AKAP6: variants seen among roughly 807,000 people sequenced by gnomAD.
AKAP6 encodes A-kinase anchor protein 6.
A neutral mutation model predicts 188.5 loss-of-function variants in AKAP6; 58 were observed. The observed-to-expected ratio is 0.31, with a 90% CI of 0.25 to 0.38. AKAP6 has a LOEUF of 0.38. Among genes scored for constraint, AKAP6 ranks in the 10% least tolerant of loss-of-function variants. The pLI, the probability that AKAP6 is intolerant of heterozygous loss-of-function variation, is 1.00. For missense variants in AKAP6, 2,710 were observed against 2,740.0 expected, an observed-to-expected ratio of 0.99 and a Z score of 0.24; for synonymous variants, 989 against 998.6, an observed-to-expected ratio of 0.99 and a Z score of 0.18.
chr14:32,764,539 G>A (rs534980579), intron 11 of AKAP6, among the ~76,000 whole-genome samples: 6 of 152,304 alleles, frequency 3.9e-5, no homozygotes, highest in Non-Finnish European at 8.8e-5. Flanking sequence ...CTTATGAAAA[G>A]CAATGTAGCA....
intron 1 of AKAP6, among the ~76,000 whole-genome samples, chr14:32,407,831 G>A (rs955712634): frequency 3.9e-5 from 6 of 152,150 alleles, no homozygotes; most frequent in Non-Finnish European, 8.8e-5. Context: ...ATGTATCAAC[G>A]TGGAGGAGAA....
At position 32,583,205 on chromosome 14, in the gene AKAP6, A is replaced by G. The variant is rs549431779; in HGVS notation, c.2469+5963A>G. Among the ~76,000 whole-genome samples the G allele has an allele frequency of 2.4e-4, 37 of 152,288 alleles. 1 individual carries two copies. The highest frequency in any genetic ancestry group is 1.3e-4 in the Non-Finnish European group (9 of 68,034). On this transcript the variant is annotated intron_variant, in intron 5 of 13. Transcript: ENST00000280979. ...TTTCTGTTTGTTAGTTTTCCTTCTAATAGACAGGACCCTCAGCTGCAGGTC... is the reference window on the plus strand; with the variant it reads ...TTTCTGTTTGTTAGTTTTCCTTCTAGTAGACAGGACCCTCAGCTGCAGGTC...
At chr14:32,534,567 C>T (rs1004307811) in intron 2 of AKAP6, among the ~76,000 whole-genome samples, 6 of 152,154 alleles carry the variant, frequency 3.9e-5, no homozygotes, top group Admixed American at 2.0e-4. Context: ...CTGCATGAAA[C>T]GAAACAAAAT....
At chr14:32,417,958 A>G (rs1055177264) in intron 1 of AKAP6, 1 of 152,162 alleles carries the variant, frequency 6.6e-6, no homozygotes, top group Non-Finnish European at 1.5e-5. Context: ...GACCTCGAGT[A>G]TCCAAATCAG....
At chr14:32,462,920 A>AAAAAAAC (rs1891393312) in intron 2 of AKAP6, among the ~76,000 whole-genome samples, 1 of 122,240 alleles carries the variant, frequency 8.2e-6, no homozygotes, top group Non-Finnish European at 1.6e-5. Context: ...AAAAAAAAAA[A>AAAAAAAC]AAAAAACCCG....
At chr14:32,389,245 G>A (rs1014746701) in intron 1 of AKAP6, among the ~76,000 whole-genome samples, 2 of 151,998 alleles carry the variant, frequency 1.3e-5, no homozygotes, top group Non-Finnish European at 2.9e-5. Context: ...TATGTGTTAG[G>A]TGAGTCTCTT....
rs529045688 is a variant in AKAP6 at position 32,834,457 on chromosome 14, T to G, written c.*4652T>G. 7 of 151,926 alleles carry G rather than the reference T, an allele frequency of 4.6e-5. No individual in the cohort carries two copies. The South Asian group carries it at 1.5e-3, about 32-fold the overall frequency. 9.4% of individuals were successfully genotyped at this position (151,926 alleles called of 1,614,324 possible). A position where few individuals can be genotyped will look rare whatever the true frequency, so the allele number is the denominator to read the frequency against. On this transcript the variant is annotated 3_prime_UTR_variant, in exon 14 of 14. Transcript: ENST00000280979. ...ATTCAAGTTTCTCTAACTACCCAAA[T>G]TATGTCCTCTTATAGTTGTTTTTGT...
intron 2 of AKAP6, among the ~76,000 whole-genome samples, chr14:32,524,403 A>G (rs1167679585): frequency 6.6e-6 from 1 of 152,100 alleles, no homozygotes. Context: ...TTTCCTTATA[A>G]TAATTTACTA....
intron 12 of AKAP6, among the ~76,000 whole-genome samples, chr14:32,817,465 G>GTC (rs879889496): frequency 0.022 from 2,726 of 122,648 alleles, 30 homozygotes; most frequent in Non-Finnish European, 0.035. Flanking sequence ...GTGTGTGTGT[G>GTC]TGTGTGTGTG....
At position 32,809,909 on chromosome 14, in the gene AKAP6, G is replaced by A. The variant is rs182609333; in HGVS notation, c.3589-11493G>A. On this transcript the variant is annotated intron_variant, in intron 12 of 13. Coordinates refer to ENST00000280979, the MANE Select transcript of AKAP6 (RefSeq NM_004274.5). ...ATTTGGTAAAAGGTGGAGGTCACCTGGTATTTTATTTCCCTGATTGCTCGC... is the reference window on the plus strand; with the variant it reads ...ATTTGGTAAAAGGTGGAGGTCACCTAGTATTTTATTTCCCTGATTGCTCGC... 7.9e-5 allele frequency among the ~76,000 whole-genome samples: 12 copies of A among 152,208 alleles called. No homozygotes were observed. In the East Asian group the frequency reaches 2.3e-3, roughly 29 times the overall value.
In AKAP6 at chr14:32,546,156, C is replaced by A; in HGVS notation, c.1503C>A (p.Thr501=). 1 of 1,613,944 alleles carries A rather than the reference C, an allele frequency of 6.2e-7. No homozygotes were observed. The highest frequency in any genetic ancestry group is 1.1e-5 in the South Asian group (1 of 91,050). Residue 501 remains threonine (T), a synonymous_variant, in exon 4 of 14, where the codon ACC becomes ACA. Transcript: ENST00000280979. ...EKSRLKKPHK[T]SEEVPPCRTP... The stretch of plus-strand genomic sequence containing the variant: ...CTCGACTTAAAAAGCCACACAAGAC[C>A]TCAGAAGAGGTGCCTCCATGCCGAA...
intron 2 of AKAP6, among the ~76,000 whole-genome samples, chr14:32,475,000 T>G (rs1361178911): frequency 6.6e-6 from 1 of 152,208 alleles, no homozygotes; most frequent in East Asian, 1.9e-4. Flanking sequence ...TATATTTCTT[T>G]AAATGTTCTC....
intron 7 of AKAP6, among the ~76,000 whole-genome samples, chr14:32,647,633 A>G (rs370345098): frequency 7.2e-5 from 11 of 152,092 alleles, no homozygotes; most frequent in Admixed American, 2.0e-4. Flanking sequence ...AGGGGCATCA[A>G]TGATTTCTAA....
In AKAP6 at chr14:32,490,726, G is replaced by T. The variant is rs184679459; in HGVS notation, c.325-44828G>T. 3.2e-4 allele frequency among the ~76,000 whole-genome samples: 49 copies of T among 152,260 alleles called. 1 individual carries two copies. The East Asian group carries it at 9.1e-3, about 28-fold the overall frequency. ...ATACATCTGCAAAGACCTTGAGGGGGAAAATGGTGCCAAATGTCTTACTTC... is the reference window on the plus strand; with the variant it reads ...ATACATCTGCAAAGACCTTGAGGGGTAAAATGGTGCCAAATGTCTTACTTC... On this transcript the variant is annotated intron_variant, in intron 2 of 13. Transcript: ENST00000280979.
At chr14:32,769,075 G>T (rs2032814501) in intron 11 of AKAP6, among the ~76,000 whole-genome samples, 2 of 23,440 alleles carry the variant, frequency 8.5e-5, no homozygotes, top group Non-Finnish European at 1.3e-4. Flanking sequence ...GAGACAGAGT[G>T]TCACTCTTGT....
At chr14:32,407,464 T>C (rs935704240) in intron 1 of AKAP6, among the ~76,000 whole-genome samples, 2 of 151,922 alleles carry the variant, frequency 1.3e-5, no homozygotes, top group African/African-American at 4.8e-5. Flanking sequence ...GAGCAATGAG[T>C]GTGAGGGCAG....
chr14:32,804,018 T>G (rs2034024579), intron 12 of AKAP6, among the ~76,000 whole-genome samples: 1 of 152,200 alleles, frequency 6.6e-6, no homozygotes. Context: ...TCCATCTACT[T>G]TTGTATAACT....
Position 32,822,823 on chromosome 14 carries a change from C to T in AKAP6, c.5010C>T (p.Gly1670=). ...QSSSQKMSFT[G]QMSLDIASSI... is the part of the protein sequence containing the mutation. The stretch of plus-strand genomic sequence containing the variant: ...GTTCCCAAAAGATGTCCTTTACTGG[C>T]CAGATGTCATTGGACATAGCATCTT... The change falls in exon 13 of 14, where the codon GGC becomes GGT. Residue 1670 remains glycine (G), a synonymous_variant. Transcript: ENST00000280979. 6.2e-7 allele frequency: 1 copy of T among 1,613,902 alleles called. No homozygotes were observed. The highest frequency in any genetic ancestry group is 8.5e-7 in the Non-Finnish European group (1 of 1,179,926).
intron 12 of AKAP6, among the ~76,000 whole-genome samples, chr14:32,793,891 A>G (rs2033684399): frequency 6.6e-6 from 1 of 152,144 alleles, no homozygotes; most frequent in Non-Finnish European, 1.5e-5. Context: ...AAACTCCCAC[A>G]CAATAATAGT....
Sources: allele counts gnomAD v4.1 joint callset (sites outside exome capture counted in the v4.1 genomes callset), GRCh38; gene constraint gnomAD v4.1.1; transcripts MANE v1.5; gene names NCBI Gene and HGNC (gene_info 2026-07-23, HGNC 2026-07-21).